The following CENPW variants were observed in gnomAD, a reference collection of about 807,000 sequenced individuals.
CENPW encodes the protein centromere protein W.
A neutral mutation model predicts 11.1 loss-of-function variants in CENPW; 3 were observed. That is an observed-to-expected ratio of 0.27 (90% CI 0.12 to 0.70). The LOEUF (loss-of-function observed/expected upper bound fraction) is 0.70, where lower values mean the gene tolerates loss of function less well. CENPW is among the 30% of genes least tolerant of loss of function. CENPW has a pLI of 0.77. For synonymous variants in CENPW, 38 were observed against 42.0 expected (o/e 0.91, Z 0.37); for missense variants, 100 against 105.6 (o/e 0.95, Z 0.23).
the CENPW span, among the ~76,000 whole-genome samples, chr6:126,381,609 A>G: frequency 1.3e-5 from 2 of 152,160 alleles, no homozygotes; most frequent in Non-Finnish European, 2.9e-5. Context: ...GGAGCCTGTC[A>G]TCTCAGCACC....
the CENPW span, among the ~76,000 whole-genome samples, chr6:126,434,066 G>A: frequency 6.6e-6 from 1 of 152,120 alleles, no homozygotes; most frequent in African/African-American, 2.4e-5. Context: ...AGATAGGCAA[G>A]CACTTGTAGA....
At chr6:126,462,829 A>G in the CENPW span, among the ~76,000 whole-genome samples, 1 of 152,038 alleles carries the variant, frequency 6.6e-6, no homozygotes, top group African/African-American at 2.4e-5. Flanking sequence ...GTGCTTGTAC[A>G]ATCAACTGCT....
chr6:126,458,296 T>A, the CENPW span, among the ~76,000 whole-genome samples: 2 of 151,302 alleles, frequency 1.3e-5, no homozygotes, highest in Non-Finnish European at 3.0e-5. Flanking sequence ...TCAAAGGGGA[T>A]CTTACTGCTT....
the CENPW span, among the ~76,000 whole-genome samples, chr6:126,382,636 A>G: frequency 6.6e-6 from 1 of 152,212 alleles, no homozygotes; most frequent in South Asian, 2.1e-4. Flanking sequence ...CACAAGAATT[A>G]TATAATGCAA....
At chr6:126,402,287 C>T in the CENPW span, among the ~76,000 whole-genome samples, 1 of 151,206 alleles carries the variant, frequency 6.6e-6, no homozygotes, top group South Asian at 2.1e-4. Context: ...TTTTTCTCTC[C>T]CCTTCCTCCA....
chr6:126,465,831 T>C, the CENPW span, among the ~76,000 whole-genome samples: 1 of 152,074 alleles, frequency 6.6e-6, no homozygotes, highest in Non-Finnish European at 1.5e-5. Flanking sequence ...TGATTCTAGA[T>C]TGAAAACAAA....
the CENPW span, among the ~76,000 whole-genome samples, chr6:126,380,527 A>G: frequency 2.0e-5 from 3 of 152,190 alleles, no homozygotes; most frequent in Non-Finnish European, 4.4e-5. Context: ...AGTTGTGGAA[A>G]GGCTGATGAG....
At chr6:126,415,311 T>C in the CENPW span, among the ~76,000 whole-genome samples, 1 of 152,194 alleles carries the variant, frequency 6.6e-6, no homozygotes, top group Admixed American at 6.5e-5. Flanking sequence ...ATTATAACCT[T>C]ACAAAAGCAG....
chr6:126,351,288 T>C (rs1392182649), downstream of CENPW, among the ~76,000 whole-genome samples: 1 of 152,038 alleles, frequency 6.6e-6, no homozygotes, highest in East Asian at 1.9e-4. Context: ...ACCTGTGTGA[T>C]ACCCAAAAGC....
chr6:126,463,208 A>G, the CENPW span, among the ~76,000 whole-genome samples: 1 of 152,006 alleles, frequency 6.6e-6, no homozygotes, highest in Non-Finnish European at 1.5e-5. Context: ...CACACACAAG[A>G]AGACTAAAGC....
chr6:126,376,970 G>A, the CENPW span, among the ~76,000 whole-genome samples: 1 of 152,074 alleles, frequency 6.6e-6, no homozygotes, highest in South Asian at 2.1e-4. Context: ...ACATCTTTAG[G>A]TAAAGGTGAT....
chr6:126,410,108 T>A, the CENPW span, among the ~76,000 whole-genome samples: 4 of 152,206 alleles, frequency 2.6e-5, no homozygotes, highest in Admixed American at 2.6e-4. Flanking sequence ...TTTCTCCATG[T>A]TTTCATGATA....
chr6:126,373,737 A>G, the CENPW span, among the ~76,000 whole-genome samples: 2 of 152,126 alleles, frequency 1.3e-5, no homozygotes, highest in Non-Finnish European at 2.9e-5. Flanking sequence ...CTCTTACATT[A>G]TGGTTGAGGC....
the CENPW span, among the ~76,000 whole-genome samples, chr6:126,429,673 C>A: frequency 6.6e-6 from 1 of 152,162 alleles, no homozygotes; most frequent in East Asian, 1.9e-4. Flanking sequence ...TCAGGTATTT[C>A]TTTACAGCAA....
At chr6:126,351,402 A>G (rs1780489339), downstream of CENPW, among the ~76,000 whole-genome samples, 1 of 152,064 alleles carries the variant, frequency 6.6e-6, no homozygotes, top group South Asian at 2.1e-4. Context: ...AACTAAACCA[A>G]AGTCAAAATG....
chr6:126,384,087 A>G, the CENPW span, among the ~76,000 whole-genome samples: 7 of 152,272 alleles, frequency 4.6e-5, no homozygotes, highest in East Asian at 1.4e-3. Flanking sequence ...AGAATTCAAG[A>G]CGAAGAAAAT....
intron 1 of CENPW, among the ~76,000 whole-genome samples, chr6:126,342,603 C>G (rs534723220): frequency 1.3e-5 from 2 of 152,090 alleles, no homozygotes; most frequent in Admixed American, 1.3e-4. Context: ...CTCTACTTGG[C>G]AACCTACAAT....
At chr6:126,421,710 T>C in the CENPW span, among the ~76,000 whole-genome samples, 1 of 152,058 alleles carries the variant, frequency 6.6e-6, no homozygotes, top group African/African-American at 2.4e-5. Flanking sequence ...TGGGTAAATC[T>C]GTCTATTAAG....
the CENPW span, among the ~76,000 whole-genome samples, chr6:126,472,335 G>GCTA: frequency 1.3e-5 from 2 of 152,200 alleles, no homozygotes; most frequent in African/African-American, 2.4e-5. Flanking sequence ...AACCATACCA[G>GCTA]CTACTACTGA....
Sources: gnomAD v4.1 joint callset for allele counts (sites outside exome capture counted in the v4.1 genomes callset) on GRCh38, gnomAD v4.1.1 for gene constraint, MANE v1.5 for transcripts, NCBI Gene and HGNC (gene_info 2026-07-23, HGNC 2026-07-21) for gene names.